NCOA5: variants seen among roughly 807,000 people sequenced by gnomAD.
NCOA5 encodes the protein NCoA-5.
NCOA5 carries 12 observed loss-of-function variants against 59.0 expected under a neutral mutation model. That is an observed-to-expected ratio of 0.20 (90% CI 0.13 to 0.33). The LOEUF is 0.33. Among genes scored for constraint, NCOA5 ranks in the 10% least tolerant of loss-of-function variants. The probability of loss-of-function intolerance (pLI) is 1.00; values close to 1 mark genes in which losing one functional copy is unlikely to be tolerated. For synonymous variants in NCOA5, 270 were observed against 275.5 expected (o/e 0.98, Z 0.20); for missense variants, 655 against 766.6 (o/e 0.85, Z 1.72).
intron 1 of NCOA5, among the ~76,000 whole-genome samples, chr20:46,086,455 T>C (rs995963266): frequency 1.3e-5 from 2 of 152,224 alleles, no homozygotes. Flanking sequence ...GCAGCATGCA[T>C]GCTGGTATTA....
chr20:46,070,400 C>T lies in NCOA5; in HGVS notation c.175G>A (p.Asp59Asn), dbSNP rs1269256989. The change falls in exon 3 of 8, where the codon GAC (aspartate) becomes AAC (asparagine). Residue 59 changes from aspartate to asparagine, a missense_variant. Around this residue, in one of 3 missense-constraint regions of NCOA5, gnomAD observed 250 missense variants for 260.1 expected, o/e 0.96. Coordinates refer to ENST00000290231, the MANE Select transcript of NCOA5 (RefSeq NM_020967.3). ...CTACTATGTCTGTGGTCCCGCAAGT[C>T]TCGGGGGTCTCGAATGTCTCTGCTG... ...RDSRDIRDPR[D>N]LRDHRHSRDL... The T allele has an allele frequency of 5.0e-6, 8 of 1,614,004 alleles. No homozygotes were observed. Among genetic ancestry groups the T allele is most frequent in the Non-Finnish European group, 6.8e-6 (8 of 1,180,024 alleles).
chr20:46,080,091 G>A (rs920240321), intron 1 of NCOA5, among the ~76,000 whole-genome samples: 1 of 149,308 alleles, frequency 6.7e-6, no homozygotes, highest in Non-Finnish European at 1.5e-5. Flanking sequence ...ATAAGGACTG[G>A]CGTTTGGTAT....
At chr20:46,079,731 C>T (rs6065919) in intron 1 of NCOA5, among the ~76,000 whole-genome samples, 1 of 152,274 alleles carries the variant, frequency 6.6e-6, no homozygotes, top group Non-Finnish European at 1.5e-5. Flanking sequence ...CTGCCAAGAC[C>T]TAGACCTGAC....
At chr20:46,071,918 G>A (rs1336580674) in intron 2 of NCOA5, among the ~76,000 whole-genome samples, 1 of 152,048 alleles carries the variant, frequency 6.6e-6, no homozygotes, top group Non-Finnish European at 1.5e-5. Flanking sequence ...TCTTATGTCT[G>A]ACCCGCTTTA....
Position 46,070,567 on chromosome 20 carries a change from A to G in NCOA5, c.39-31T>C, listed in dbSNP as rs978998660. On this transcript the variant is annotated intron_variant, in intron 2 of 7. Transcript: ENST00000290231. ...GGAGGTAGCAAGAAAATGCTAAGAC[A>G]AAGAAATTGAAAGTAGCCAACCCAT... 1.1e-5 allele frequency: 18 copies of G among 1,594,950 alleles called. No homozygotes were observed. The East Asian group carries it at 2.9e-4, about 26-fold the overall frequency.
At chr20:46,089,535 T>A (rs1378480276) in intron 1 of NCOA5, among the ~76,000 whole-genome samples, 2 of 152,162 alleles carry the variant, frequency 1.3e-5, no homozygotes, top group African/African-American at 2.4e-5. Context: ...CGACCGTTCG[T>A]GCACAGACAG....
At chr20:46,073,598 A>C (rs551886995) in intron 2 of NCOA5, among the ~76,000 whole-genome samples, 7 of 152,178 alleles carry the variant, frequency 4.6e-5, no homozygotes, top group Non-Finnish European at 8.8e-5. Flanking sequence ...GAGCAGTTAG[A>C]AGTAGTCATT....
intron 1 of NCOA5, among the ~76,000 whole-genome samples, chr20:46,084,356 AT>A (rs569736255): frequency 1.3e-5 from 2 of 152,202 alleles, no homozygotes; most frequent in Non-Finnish European, 2.9e-5. Flanking sequence ...CATTTAGAAT[AT>A]TCTTGCTAGG....
At chr20:46,066,171 T>A (rs964363298) in intron 5 of NCOA5, among the ~76,000 whole-genome samples, 3 of 152,190 alleles carry the variant, frequency 2.0e-5, no homozygotes, top group Non-Finnish European at 4.4e-5. Context: ...ATTTACTTAG[T>A]ACCACCTAGG....
In NCOA5 at chr20:46,063,488, G is replaced by T. The variant is rs781596107; in HGVS notation, c.1022C>A (p.Ala341Asp). 1.9e-6 allele frequency: 3 copies of T among 1,614,166 alleles called. No individual in the cohort carries two copies. The South Asian group carries it at 3.3e-5, about 18-fold the overall frequency. The change falls in exon 7 of 8, where the codon GCC becomes GAC. Residue 341 changes from alanine (A) to aspartate (D), a missense_variant. Around this residue, in one of 3 missense-constraint regions of NCOA5, gnomAD observed 325 missense variants for 353.2 expected, o/e 0.92. Transcript: ENST00000290231. ...EEGVRGGHPPAIQSLINLLAD... is the reference protein window; with the variant it reads ...EEGVRGGHPPDIQSLINLLAD... ...CAGCAGGTTGATGAGGCTCTGGATGGCTGGAGGGTGGCCCCCACGCACTCC... is the reference window on the plus strand; with the variant it reads ...CAGCAGGTTGATGAGGCTCTGGATGTCTGGAGGGTGGCCCCCACGCACTCC...
At chr20:46,080,486 A>G (rs1875802461) in intron 1 of NCOA5, among the ~76,000 whole-genome samples, 1 of 152,190 alleles carries the variant, frequency 6.6e-6, no homozygotes, top group Non-Finnish European at 1.5e-5. Flanking sequence ...GGTATTAAGT[A>G]CTCACATAAT....
intron 1 of NCOA5, among the ~76,000 whole-genome samples, chr20:46,081,707 T>C (rs2084993706): frequency 6.6e-6 from 1 of 152,150 alleles, no homozygotes; most frequent in African/African-American, 2.4e-5. Flanking sequence ...ATCTGTTTAT[T>C]CATCTCTATT....
At chr20:46,065,676 T>C (rs1238733347) in intron 5 of NCOA5, among the ~76,000 whole-genome samples, 2 of 152,212 alleles carry the variant, frequency 1.3e-5, no homozygotes, top group Non-Finnish European at 2.9e-5. Context: ...TCAGTTTCTT[T>C]ACTAATAAAA....
At chr20:46,087,244 A>C (rs895747182) in intron 1 of NCOA5, among the ~76,000 whole-genome samples, 2 of 152,204 alleles carry the variant, frequency 1.3e-5, no homozygotes, top group African/African-American at 2.4e-5. Flanking sequence ...ACAAGAGAAC[A>C]ACCTAAACTG....
At chr20:46,082,619 T>C (rs1029374335) in intron 1 of NCOA5, among the ~76,000 whole-genome samples, 1 of 152,242 alleles carries the variant, frequency 6.6e-6, no homozygotes, top group African/African-American at 2.4e-5. Context: ...GATACTTCTA[T>C]ACTTTGTTAA....
At chr20:46,071,264 T>C (rs2084880006) in intron 2 of NCOA5, among the ~76,000 whole-genome samples, 1 of 152,156 alleles carries the variant, frequency 6.6e-6, no homozygotes, top group Admixed American at 6.5e-5. Flanking sequence ...TGGAAACTCC[T>C]CTTCAACATA....
At chr20:46,081,135 G>A (rs2084987693) in intron 1 of NCOA5, among the ~76,000 whole-genome samples, 1 of 152,040 alleles carries the variant, frequency 6.6e-6, no homozygotes, top group African/African-American at 2.4e-5. Context: ...AATACACTGG[G>A]TGTGTATTAA....
intron 1 of NCOA5, among the ~76,000 whole-genome samples, chr20:46,083,514 T>C (rs1411900790): frequency 1.3e-5 from 2 of 152,162 alleles, no homozygotes; most frequent in Non-Finnish European, 2.9e-5. Flanking sequence ...AAAAGACAAT[T>C]AAGATCTCTA....
intron 7 of NCOA5, among the ~76,000 whole-genome samples, chr20:46,063,122 G>A (rs575055958): frequency 9.2e-5 from 14 of 152,272 alleles, no homozygotes; most frequent in South Asian, 8.3e-4. Flanking sequence ...TGGCTACCAC[G>A]GAGCCAGCAA....
Sources: gnomAD v4.1 joint callset for allele counts (sites outside exome capture counted in the v4.1 genomes callset) on GRCh38, gnomAD v4.1.1 for gene constraint, gnomAD v4.1.1 regional missense constraint, MANE v1.5 for transcripts, NCBI Gene and HGNC (gene_info 2026-07-23, HGNC 2026-07-21) for gene names.